The following USP28 variants were observed in gnomAD, a reference collection of about 807,000 sequenced individuals.
USP28 encodes ubiquitin carboxyl-terminal hydrolase 28.
A neutral mutation model predicts 145.0 loss-of-function variants in USP28; 113 were observed. That is an observed-to-expected ratio of 0.78 (90% CI 0.67 to 0.91). USP28 has a LOEUF of 0.91. Ranked by LOEUF, USP28 falls within the 40% of genes least tolerant of loss-of-function variation. The probability of loss-of-function intolerance (pLI) is 0.00; values close to 1 mark genes in which losing one functional copy is unlikely to be tolerated. For synonymous variants in USP28, 447 were observed against 450.9 expected (o/e 0.99, Z 0.11); for missense variants, 1,201 against 1,289.6 (o/e 0.93, Z 1.05).
At chr11:113,825,417 T>A (rs1565391749) in intron 11 of USP28, among the ~76,000 whole-genome samples, 2 of 152,236 alleles carry the variant, frequency 1.3e-5, no homozygotes, top group African/African-American at 4.8e-5. Flanking sequence ...TGCAAAATTG[T>A]ATAGTCACTT....
At chr11:113,829,529 G>A (rs1943744482) in intron 9 of USP28, 184 bp from the exon 10 acceptor site, 2 of 678,184 alleles carry the variant, frequency 2.9e-6, no homozygotes, top group Non-Finnish European at 4.7e-6. Flanking sequence ...ATGAAAACCA[G>A]TAACACTGGA....
intron 12 of USP28, among the ~76,000 whole-genome samples, chr11:113,818,595 A>C (rs1445529055): frequency 6.6e-6 from 1 of 152,170 alleles, no homozygotes; most frequent in African/African-American, 2.4e-5. Context: ...ATGGTGACTC[A>C]TGCTTGTAAT....
At chr11:113,809,363 A>G in intron 16 of USP28, 109 bp from the exon 17 acceptor site, 3 of 1,037,830 alleles carry the variant, frequency 2.9e-6, no homozygotes, top group Non-Finnish European at 4.3e-6. Context: ...AACTAAAAAT[A>G]CATGCACATA....
rs1377599733 is a variant in USP28, at chr11:113,840,217, G to A, written c.534+381C>T. 3.9e-5 allele frequency among the ~76,000 whole-genome samples: 6 copies of A among 152,116 alleles called. No individual in the cohort carries two copies. In the East Asian group the frequency reaches 9.7e-4, roughly 24 times the overall value. Reference sequence around the variant, plus strand: ...ATCCTGTAGATTTGATCTCCTCAGCGCCTCAAGAATGCATTCACTTCTCTC... The same window carrying A: ...ATCCTGTAGATTTGATCTCCTCAGCACCTCAAGAATGCATTCACTTCTCTC... On this transcript the variant is annotated intron_variant, in intron 5 of 24. Transcript: ENST00000003302.
exon 13 of USP28, chr11:113,817,792 G>T: frequency 6.2e-7 from 1 of 1,614,164 alleles, no homozygotes; most frequent in South Asian, 1.1e-5. Context: ...ATTTCAGCAT[G>T]TCCGGGAGCG....
intron 1 of USP28, among the ~76,000 whole-genome samples, chr11:113,872,634 A>G (rs531491409): frequency 7.2e-5 from 11 of 152,358 alleles, no homozygotes; most frequent in South Asian, 4.1e-4. Flanking sequence ...CAAAAAGGGC[A>G]TTAAATTTTC....
chr11:113,840,783 C>A, intron 4 of USP28, 26 bp from the exon 5 acceptor site: 1 of 1,581,096 alleles, frequency 6.3e-7, no homozygotes, highest in Admixed American at 1.9e-5. Context: ...TGCCACACAG[C>A]AAAAAAGAAA....
rs77585990 is a variant in USP28 at position 113,802,698 on chromosome 11, A to T, written c.2862+460T>A. Among the ~76,000 whole-genome samples the T allele has an allele frequency of 1.8e-3, 268 of 152,270 alleles. 1 individual carries two copies. Among genetic ancestry groups the T allele is most frequent in the African/African-American group, 6.0e-3 (251 of 41,556 alleles). On this transcript the variant is annotated intron_variant, in intron 23 of 24. Transcript: ENST00000003302. ...TTCTTACAGTTCCTACCTTTATTTTAAAAAAATGGAGTGTCAGAAGTCACT... is the reference window on the plus strand; with the variant it reads ...TTCTTACAGTTCCTACCTTTATTTTTAAAAAATGGAGTGTCAGAAGTCACT...
chr11:113,859,721 C>G (rs1163953449), intron 1 of USP28, among the ~76,000 whole-genome samples: 1 of 152,148 alleles, frequency 6.6e-6, no homozygotes, highest in Non-Finnish European at 1.5e-5. Context: ...TAACTTCACT[C>G]TACCTTGCTA....
intron 7 of USP28, among the ~76,000 whole-genome samples, chr11:113,832,498 G>A (rs369072470): frequency 1.9e-4 from 29 of 152,174 alleles, no homozygotes; most frequent in South Asian, 1.0e-3. Flanking sequence ...GGTGCATTAA[G>A]CAACCTGAAA....
rs575463201 is a variant in USP28 at position 113,863,899 on chromosome 11, C to G, written c.58-9564G>C. 4.8e-3 allele frequency among the ~76,000 whole-genome samples: 713 copies of G among 148,060 alleles called. 10 individuals carry two copies. The highest frequency in any genetic ancestry group is 0.016 in the African/African-American group (627 of 39,850). On this transcript the variant is annotated intron_variant, in intron 1 of 24. Transcript: ENST00000003302. ...GGCGGAGCTTGCAGTGAGCCGAGAT[C>G]GCGCCACTGCACTCCAGCCTGGGCG...
intron 3 of USP28, among the ~76,000 whole-genome samples, chr11:113,845,344 G>A (rs899982163): frequency 2.6e-5 from 4 of 151,518 alleles, no homozygotes; most frequent in Non-Finnish European, 5.9e-5. Flanking sequence ...GCTGAGGCAC[G>A]AGAATCACTT....
chr11:113,817,258 A>G (rs551607368), intron 13 of USP28, among the ~76,000 whole-genome samples: 10 of 152,328 alleles, frequency 6.6e-5, no homozygotes, highest in South Asian at 2.1e-4. Flanking sequence ...CTATTCAAGA[A>G]TAAGTCTCTC....
chr11:113,829,326 A>T (rs772915894), exon 10 of USP28: 10 of 1,614,096 alleles, frequency 6.2e-6, no homozygotes, highest in Non-Finnish European at 8.5e-6. Flanking sequence ...CGAAGGTCTC[A>T]TTGTTACAAA....
At chr11:113,820,687 C>T (rs1039203736) in intron 12 of USP28, among the ~76,000 whole-genome samples, 3 of 152,138 alleles carry the variant, frequency 2.0e-5, no homozygotes, top group African/African-American at 7.2e-5. Flanking sequence ...GGACATAACA[C>T]CAGAGATGGA....
intron 12 of USP28, among the ~76,000 whole-genome samples, chr11:113,823,125 G>A (rs2135722253): frequency 6.6e-6 from 1 of 152,260 alleles, no homozygotes; most frequent in South Asian, 2.1e-4. Context: ...TCAAAAAAGT[G>A]AAAATTCCTC....
chr11:113,847,211 CAA>C (rs1442256444), intron 3 of USP28, among the ~76,000 whole-genome samples: 2 of 151,844 alleles, frequency 1.3e-5, no homozygotes, highest in African/African-American at 2.4e-5. Context: ...TTTAACAACA[CAA>C]AAGAGGGCAA....
chr11:113,840,892 T>C (rs1945126729), intron 4 of USP28, 135 bp from the exon 5 acceptor site: 3 of 1,094,220 alleles, frequency 2.7e-6, no homozygotes, highest in Non-Finnish European at 1.2e-6. Context: ...CCTAGCTATA[T>C]AAGGAACTGT....
intron 21 of USP28, 59 bp from the exon 23 acceptor site, chr11:113,803,936 C>T (rs1025717676): frequency 6.8e-7 from 1 of 1,461,066 alleles, no homozygotes; most frequent in African/African-American, 1.4e-5. Flanking sequence ...AGTGTCCTTC[C>T]CATCTAAGTT....
Sources: allele counts gnomAD v4.1 joint callset (sites outside exome capture counted in the v4.1 genomes callset), GRCh38; gene constraint gnomAD v4.1.1; transcripts MANE v1.5; gene names NCBI Gene and HGNC (gene_info 2026-07-23, HGNC 2026-07-21).